Variants in SRCIN1 observed in about 807,000 individuals in gnomAD.
The protein encoded by SRCIN1 is SRC kinase signaling inhibitor 1.
In SRCIN1, 50 loss-of-function variants were observed where a neutral mutation model predicts 116.2. The ratio of observed to expected loss-of-function variants is 0.43; its 90% CI spans 0.34 to 0.54. The LOEUF (loss-of-function observed/expected upper bound fraction) is 0.54, where lower values mean the gene tolerates loss of function less well. SRCIN1 is among the 20% of genes least tolerant of loss of function. The pLI is 0.02. For missense variants in SRCIN1, 1,446 were observed against 1,672.0 expected, an observed-to-expected ratio of 0.86 and a Z score of 2.36; for synonymous variants, 736 against 750.0, an observed-to-expected ratio of 0.98 and a Z score of 0.30.
Position 38,548,706 on chromosome 17 carries a change from C to T in SRCIN1, c.3121G>A (p.Ala1041Thr), listed in dbSNP as rs1232916648. The T allele has an allele frequency of 1.9e-6, 3 of 1,597,924 alleles. No homozygotes were observed. The highest frequency in any genetic ancestry group is 2.6e-6 in the Non-Finnish European group (3 of 1,173,806). The change falls in exon 17 of 19, where the codon GCT (alanine) becomes ACT (threonine). Residue 1041 changes from alanine (A) to threonine (T), a missense_variant. Ala to Thr is a moderately conservative substitution (Grantham distance 58). Around this residue, in one of 5 missense-constraint regions of SRCIN1, gnomAD observed 531 missense variants for 633.9 expected, o/e 0.84. Transcript: ENST00000617146. Reference sequence around the variant, plus strand: ...TGCACCTCCAGCTCCTCGGACTCAGCCTTCTGCAAGGCCCGGGACTCCTGT... The same window carrying T: ...TGCACCTCCAGCTCCTCGGACTCAGTCTTCTGCAAGGCCCGGGACTCCTGT... The part of the protein sequence containing the change: ...SKKDSAFIKK[A>T]ESEELEVQKP...
intron 15 of SRCIN1, 146 bp from the exon 16 acceptor site, chr17:38,549,356 G>C: frequency 8.0e-6 from 6 of 750,516 alleles, no homozygotes; most frequent in Non-Finnish European, 1.2e-5. Context: ...AAGAACACAG[G>C]GCCCCTCCTT....
chr17:38,603,977 A>C (rs1909211555), intron 1 of SRCIN1, among the ~76,000 whole-genome samples: 1 of 152,072 alleles, frequency 6.6e-6, no homozygotes, highest in Non-Finnish European at 1.5e-5. Flanking sequence ...GCTGCTCCCC[A>C]CATACAACCA....
In SRCIN1 at chr17:38,578,617, T is replaced by A; in HGVS notation, c.197A>T (p.Glu66Val). The A allele has an allele frequency of 6.2e-7, 1 of 1,609,256 alleles. No individual in the cohort carries two copies. The highest frequency in any genetic ancestry group is 8.5e-7 in the Non-Finnish European group (1 of 1,178,372). The change falls in exon 2 of 19, where the codon GAG becomes GTG. Residue 66 changes from glutamate to valine, a missense_variant. By Grantham distance (121) the Glu-to-Val change is moderately radical (BLOSUM62 -2). This residue lies in a region of SRCIN1 where 246 missense variants were observed against 265.1 expected (regional missense o/e 0.93). Coordinates refer to ENST00000617146, the MANE Select transcript of SRCIN1 (RefSeq NM_025248.3). ...RHTVIAAQSL[E>V]ALSGLQKADA... is the part of the protein sequence containing the mutation. ...CGCCTTCTGGAGCCCGCTGAGCGCCTCCAGACTCTGGGCCGCGATCACCGT... is the reference window on the plus strand; with the variant it reads ...CGCCTTCTGGAGCCCGCTGAGCGCCACCAGACTCTGGGCCGCGATCACCGT...
In SRCIN1 at chr17:38,588,860, C is replaced by A. The variant is rs1242698759; in HGVS notation, c.23-10069G>T. ...CAGGAGACCCAGCCTTGCCAAGATG[C>A]CCTTGATATCCTCCTCAGAGACACC... On this transcript the variant is annotated intron_variant, in intron 1 of 18. Coordinates refer to ENST00000617146, the MANE Select transcript of SRCIN1 (RefSeq NM_025248.3). Among the ~76,000 whole-genome samples, 8 of 152,270 alleles carry A rather than the reference C, an allele frequency of 5.3e-5. No homozygotes were observed. In the East Asian group the frequency reaches 1.5e-3, roughly 29 times the overall value.
chr17:38,605,071 G>T (rs535020576), intron 1 of SRCIN1, among the ~76,000 whole-genome samples: 2 of 152,036 alleles, frequency 1.3e-5, no homozygotes, highest in Admixed American at 6.5e-5. Context: ...GGTGCGGGGA[G>T]GGGGGGTGTG....
At chr17:38,533,599 G>A (rs1285199745) in intron 18 of SRCIN1, among the ~76,000 whole-genome samples, 168 bp from the exon 19 acceptor site, 1 of 150,696 alleles carries the variant, frequency 6.6e-6, no homozygotes, top group African/African-American at 2.4e-5. Context: ...GAATGGTGGA[G>A]GGGTGGGGGC....
At chr17:38,576,412 T>G (rs1907418831) in intron 2 of SRCIN1, among the ~76,000 whole-genome samples, 1 of 152,122 alleles carries the variant, frequency 6.6e-6, no homozygotes, top group Non-Finnish European at 1.5e-5. Flanking sequence ...AGGGGCCTTT[T>G]TTCCCCTGGG....
At chr17:38,577,747 G>GAAGTGAT (rs1249165007) in intron 2 of SRCIN1, among the ~76,000 whole-genome samples, 4 of 152,204 alleles carry the variant, frequency 2.6e-5, no homozygotes, top group African/African-American at 9.7e-5. Context: ...CTCATACTTG[G>GAAGTGAT]GTGGAGAGAT....
rs1193633256 is a variant in SRCIN1 at position 38,530,706 on chromosome 17, T to C, written c.*2591A>G. 6.6e-6 allele frequency: 1 copy of C among 152,332 alleles called. No individual in the cohort carries two copies. The highest frequency in any genetic ancestry group is 2.4e-5 in the African/African-American group (1 of 41,454). The allele number at this position is 152,332 out of a possible 1,614,324, so 9.4% of individuals were successfully genotyped here. ...CTCCATGTATGCGTCTCTATCCACATGTACGTGGCCCACACACAAGTCTCT... is the reference window on the plus strand; with the variant it reads ...CTCCATGTATGCGTCTCTATCCACACGTACGTGGCCCACACACAAGTCTCT... On this transcript the variant is annotated 3_prime_UTR_variant, in exon 19 of 19. Coordinates refer to ENST00000617146, the MANE Select transcript of SRCIN1 (RefSeq NM_025248.3).
In SRCIN1 at chr17:38,563,068, C is replaced by G; in HGVS notation, c.741-148G>C. On this transcript the variant is annotated intron_variant, in intron 5 of 18. Transcript: ENST00000617146. The surrounding 1 kb of genome is among the most constrained non-coding windows in gnomAD (Gnocchi z 5.8). ...TGCCTGCACACACGCCCAGCAGCCT[C>G]CACCCCGGCCTCTTCCTGGCCTCCG... The G allele has an allele frequency of 1.2e-6, 1 of 801,078 alleles. No individual in the cohort carries two copies. The highest frequency in any genetic ancestry group is 2.0e-6 in the Non-Finnish European group (1 of 502,468). 49.6% of individuals were successfully genotyped at this position (801,078 alleles called of 1,614,324 possible). A position where few individuals can be genotyped will look rare whatever the true frequency, so the allele number is the denominator to read the frequency against.
chr17:38,596,184 G>T (rs527705465), intron 1 of SRCIN1, among the ~76,000 whole-genome samples: 20 of 152,332 alleles, frequency 1.3e-4, no homozygotes, highest in Non-Finnish European at 2.5e-4. Context: ...AGAAAGGCCC[G>T]GCTGCAGAGG....
intron 2 of SRCIN1, among the ~76,000 whole-genome samples, chr17:38,577,704 A>G (rs995760590): frequency 6.6e-6 from 1 of 152,228 alleles, no homozygotes; most frequent in African/African-American, 2.4e-5. Flanking sequence ...ACAGGATGCT[A>G]GACCCAGAAA....
intron 18 of SRCIN1, among the ~76,000 whole-genome samples, chr17:38,536,332 T>C (rs957396156): frequency 2.0e-5 from 3 of 152,222 alleles, no homozygotes; most frequent in African/African-American, 7.2e-5. Flanking sequence ...AAGGTTCCTG[T>C]CATTTCCTTT....
Position 38,558,429 on chromosome 17 carries a change from C to CG in SRCIN1, c.2026-28dup, listed in dbSNP as rs1567862561. The CG allele has an allele frequency of 1.3e-6, 2 of 1,566,996 alleles. No homozygotes were observed. The highest frequency in any genetic ancestry group is 1.7e-6 in the Non-Finnish European group (2 of 1,163,194). Reference sequence around the variant, plus strand: ...TGCGGGACGCACGGACGGATGGACCCGGGTGGGGGGAGCGGAGCCGCGAGG... The same window carrying CG: ...TGCGGGACGCACGGACGGATGGACCCGGGGTGGGGGGAGCGGAGCCGCGAGG... On this transcript the variant is annotated intron_variant, in intron 10 of 18. Transcript: ENST00000617146. The surrounding 1 kb of genome is among the most constrained non-coding windows in gnomAD (Gnocchi z 4.6).
Position 38,562,803 on chromosome 17 carries a change from T to A in SRCIN1, c.834+24A>T. On this transcript the variant is annotated intron_variant, in intron 6 of 18. Transcript: ENST00000617146. This position sits in a 1 kb window ranked among gnomAD's most constrained non-coding sequence, Gnocchi z 4.2. The stretch of plus-strand genomic sequence containing the variant: ...GACCCCATGTGCCCAGCCTCCCCAA[T>A]GCCCTGGGCATGCCCAGCCATACCC... 1.2e-6 allele frequency: 2 copies of A among 1,606,558 alleles called. No homozygotes were observed. The highest frequency in any genetic ancestry group is 1.7e-6 in the Non-Finnish European group (2 of 1,174,472).
rs1472555810 is a variant in SRCIN1, at chr17:38,543,955, A to G, written c.3285T>C (p.Ser1095=). 4 of 1,582,474 alleles carry G rather than the reference A, an allele frequency of 2.5e-6. No individual in the cohort carries two copies. The highest frequency in any genetic ancestry group is 1.7e-4 in the Middle Eastern group (1 of 6,030). ...IIAELESGGG[S]VPPMKVVTPG... is the part of the protein sequence containing the mutation. ...GAGTCACCACCTTCATGGGTGGTAC[A>G]CTGCCTCCGCCACTCTGCAGGAAGA... is the stretch of plus-strand genomic sequence containing the variant. The change falls in exon 18 of 19, where the codon AGT becomes AGC. Residue 1095 remains serine (S), a synonymous_variant. Transcript: ENST00000617146.
intron 1 of SRCIN1, among the ~76,000 whole-genome samples, chr17:38,601,998 G>C (rs1909067858): frequency 6.6e-6 from 1 of 152,112 alleles, no homozygotes; most frequent in Admixed American, 6.6e-5. Flanking sequence ...TGGGAAGACG[G>C]AAAGGCACAG....
intron 1 of SRCIN1, chr17:38,601,038 CATT>C (rs1317068754): frequency 6.6e-6 from 1 of 152,302 alleles, no homozygotes; most frequent in Admixed American, 6.5e-5. Context: ...AAGCAGGCAC[CATT>C]AATATATGCA....
chr17:38,579,788 C>A (rs1350378260), intron 1 of SRCIN1, among the ~76,000 whole-genome samples: 3 of 152,214 alleles, frequency 2.0e-5, no homozygotes, highest in Non-Finnish European at 4.4e-5. Flanking sequence ...GCCCTGCTGG[C>A]CCGCACTCTC....
Sources: gnomAD v4.1 joint callset for allele counts (sites outside exome capture counted in the v4.1 genomes callset) on GRCh38, gnomAD v4.1.1 for gene constraint, gnomAD v4.1.1 regional missense constraint, Gnocchi (gnomAD v3.1) non-coding constraint, MANE v1.5 for transcripts, NCBI Gene and HGNC (gene_info 2026-07-23, HGNC 2026-07-21) for gene names.